Variants in TSPAN11 observed in about 807,000 individuals in gnomAD.
TSPAN11 encodes the protein tetraspanin 11, also known as tetraspanin-11.
A neutral mutation model predicts 32.9 loss-of-function variants in TSPAN11; 29 were observed. The observed-to-expected ratio is 0.88, with a 90% CI of 0.66 to 1.20. The LOEUF is 1.20. TSPAN11 is among the 50% of genes most tolerant of loss of function. The probability of loss-of-function intolerance (pLI) is 0.00; values close to 1 mark genes in which losing one functional copy is unlikely to be tolerated. For synonymous variants in TSPAN11, 140 were observed against 141.3 expected (o/e 0.99, Z 0.07); for missense variants, 283 against 329.1 (o/e 0.86, Z 1.08).
At chr12:30,968,876 C>T (rs960103764) in intron 3 of TSPAN11, among the ~76,000 whole-genome samples, 3 of 152,164 alleles carry the variant, frequency 2.0e-5, no homozygotes, top group Non-Finnish European at 4.4e-5. Flanking sequence ...TATATGGGCT[C>T]GGGTTCAAAA....
In TSPAN11 at chr12:30,992,390, A is replaced by C; in HGVS notation, c.*475A>C. 5.0e-6 allele frequency: 1 copy of C among 198,604 alleles called. No homozygotes were observed. 12.3% of individuals were successfully genotyped at this position (198,604 alleles called of 1,614,324 possible). A position where few individuals can be genotyped will look rare whatever the true frequency, so the allele number is the denominator to read the frequency against. On this transcript the variant is annotated 3_prime_UTR_variant, in exon 8 of 8. Coordinates refer to ENST00000546076, the MANE Select transcript of TSPAN11 (RefSeq NM_001370302.1). ...ATGGGGTGGGGCAGGGAGGGCTGGC[A>C]TTTCCCCCAGAAGACCTTGCCCTTT... is the stretch of plus-strand genomic sequence containing the variant.
In TSPAN11 at chr12:30,942,984, T is replaced by C. The variant is rs150363982; in HGVS notation, c.-11-10997T>C. Among the ~76,000 whole-genome samples, 849 of 152,326 alleles carry C rather than the reference T, an allele frequency of 5.6e-3. 1 individual carries two copies. Among genetic ancestry groups the C allele is most frequent in the African/African-American group, 0.02 (812 of 41,566 alleles). On this transcript the variant is annotated intron_variant, in intron 1 of 7. Transcript: ENST00000546076. ...AACCCCAGCCCAGCCTGTGCCTCAC[T>C]GTGCCACTGGCAGCCACTGGATCTC...
At chr12:30,937,545 T>C (rs898358916) in intron 1 of TSPAN11, among the ~76,000 whole-genome samples, 1 of 152,178 alleles carries the variant, frequency 6.6e-6, no homozygotes, top group Non-Finnish European at 1.5e-5. Context: ...CCAACAGGAC[T>C]GTGGCTTAAA....
At position 30,930,521 on chromosome 12, in the gene TSPAN11, G is replaced by A. The variant is rs80348132; in HGVS notation, c.-12+3725G>A. Among the ~76,000 whole-genome samples, 1,307 of 152,268 alleles carry A rather than the reference G, an allele frequency of 8.6e-3. 15 individuals are homozygous for A. The highest frequency in any genetic ancestry group is 0.034 in the Middle Eastern group (10 of 292). On this transcript the variant is annotated intron_variant, in intron 1 of 7. Coordinates refer to ENST00000546076, the MANE Select transcript of TSPAN11 (RefSeq NM_001370302.1). ...ATCCTGGCTCTGCCCCTTCCTCTCC[G>A]TGTGACCTTCCGTGTGTTATGTGAC...
chr12:30,956,328 G>A (rs888467097), intron 2 of TSPAN11, among the ~76,000 whole-genome samples: 1 of 152,212 alleles, frequency 6.6e-6, no homozygotes, highest in Non-Finnish European at 1.5e-5. Context: ...TAAGCTTTAC[G>A]CTTATGGTGT....
At position 30,946,391 on chromosome 12, in the gene TSPAN11, G is replaced by A. The variant is rs577864542; in HGVS notation, c.-11-7590G>A. ...GGAGAACCACTCTACTGATAGCTGGGAAAACAAACACCCCGAGAAGACAGT... is the reference window on the plus strand; with the variant it reads ...GGAGAACCACTCTACTGATAGCTGGAAAAACAAACACCCCGAGAAGACAGT... On this transcript the variant is annotated intron_variant, in intron 1 of 7. Coordinates refer to ENST00000546076, the MANE Select transcript of TSPAN11 (RefSeq NM_001370302.1). Among the ~76,000 whole-genome samples the A allele has an allele frequency of 7.4e-4, 112 of 152,270 alleles. 1 individual carries two copies. Among genetic ancestry groups the A allele is most frequent in the Non-Finnish European group, 1.1e-3 (73 of 68,016 alleles).
chr12:30,992,819 G>C lies in TSPAN11; in HGVS notation c.*904G>C, dbSNP rs982215149. 2.0e-5 allele frequency: 3 copies of C among 152,282 alleles called. No homozygotes were observed. The highest frequency in any genetic ancestry group is 2.9e-5 in the Non-Finnish European group (2 of 68,118). The allele number at this position is 152,282 out of a possible 1,614,324, so 9.4% of individuals were successfully genotyped here. On this transcript the variant is annotated 3_prime_UTR_variant, in exon 8 of 8. Coordinates refer to ENST00000546076, the MANE Select transcript of TSPAN11 (RefSeq NM_001370302.1). Reference sequence around the variant, plus strand: ...CTGCAAAGTCGGAGCTGCTGAGAAGGGGCAGCTCTGAATAGAGGGGCATCT... The same window carrying C: ...CTGCAAAGTCGGAGCTGCTGAGAAGCGGCAGCTCTGAATAGAGGGGCATCT...
chr12:30,939,092 T>G (rs2140273504), intron 1 of TSPAN11, among the ~76,000 whole-genome samples: 1 of 151,798 alleles, frequency 6.6e-6, no homozygotes, highest in Admixed American at 6.6e-5. Flanking sequence ...ATTAGCCAGG[T>G]GTGGTGGGCA....
At chr12:30,980,384 G>A (rs532553304) in intron 5 of TSPAN11, among the ~76,000 whole-genome samples, 4 of 152,288 alleles carry the variant, frequency 2.6e-5, no homozygotes, top group South Asian at 2.1e-4. Context: ...TCATTAGCCC[G>A]TGTGTCTAGT....
intron 2 of TSPAN11, among the ~76,000 whole-genome samples, chr12:30,956,475 ACCT>A (rs1310961704): frequency 6.6e-6 from 1 of 152,060 alleles, no homozygotes; most frequent in Non-Finnish European, 1.5e-5. Context: ...AGCCATCTTC[ACCT>A]CCACCTGAAC....
intron 4 of TSPAN11, among the ~76,000 whole-genome samples, chr12:30,979,089 G>A (rs720482): frequency 0.031 from 4,746 of 152,232 alleles, 408 homozygotes; most frequent in East Asian, 0.25. Flanking sequence ...TCGGGGATTC[G>A]AGGTCATGAC....
At chr12:30,935,712 C>A (rs971817331) in intron 1 of TSPAN11, among the ~76,000 whole-genome samples, 1 of 152,144 alleles carries the variant, frequency 6.6e-6, no homozygotes, top group Non-Finnish European at 1.5e-5. Context: ...AAAATTAAAA[C>A]CCTGTGCTCT....
chr12:30,971,479 C>G (rs1360017472), intron 3 of TSPAN11, among the ~76,000 whole-genome samples: 1 of 152,152 alleles, frequency 6.6e-6, no homozygotes, highest in Non-Finnish European at 1.5e-5. Flanking sequence ...GTGGCTCATG[C>G]CTATAATCCC....
chr12:30,947,503 G>A (rs1158253446), intron 1 of TSPAN11, among the ~76,000 whole-genome samples: 2 of 152,214 alleles, frequency 1.3e-5, no homozygotes, highest in Non-Finnish European at 2.9e-5. Flanking sequence ...CATGGCTGAG[G>A]AGGCCTCAGA....
chr12:30,981,009 G>A (rs1043107523), intron 5 of TSPAN11, among the ~76,000 whole-genome samples: 37 of 152,358 alleles, frequency 2.4e-4, no homozygotes, highest in Admixed American at 6.5e-4. Context: ...AGAGAGCAGC[G>A]CAGGTTGGGA....
At chr12:30,948,085 T>A (rs1938305640) in intron 1 of TSPAN11, among the ~76,000 whole-genome samples, 1 of 152,178 alleles carries the variant, frequency 6.6e-6, no homozygotes, top group African/African-American at 2.4e-5. Context: ...CAAAATGATC[T>A]CCTTTGACTC....
chr12:30,944,397 C>G (rs1313957511), intron 1 of TSPAN11, among the ~76,000 whole-genome samples: 1 of 152,156 alleles, frequency 6.6e-6, no homozygotes. Flanking sequence ...TCACAATCCC[C>G]CAGCCCCTAG....
chr12:31,006,636 C>T, the TSPAN11 span, among the ~76,000 whole-genome samples: 3 of 152,194 alleles, frequency 2.0e-5, no homozygotes, highest in Non-Finnish European at 4.4e-5. Context: ...AGGTGCAGGC[C>T]CCTGGCATAG....
At chr12:30,977,005 A>G (rs1364216268) in intron 3 of TSPAN11, among the ~76,000 whole-genome samples, 1 of 152,218 alleles carries the variant, frequency 6.6e-6, no homozygotes, top group East Asian at 1.9e-4. Context: ...TAGGCCTGAC[A>G]CTGTTATTCT....
Sources: gnomAD v4.1 joint callset for allele counts (sites outside exome capture counted in the v4.1 genomes callset) on GRCh38, gnomAD v4.1.1 for gene constraint, MANE v1.5 for transcripts, NCBI Gene and HGNC (gene_info 2026-07-23, HGNC 2026-07-21) for gene names.